The following SPATA6 variants were observed in gnomAD, a reference collection of about 807,000 sequenced individuals.
SPATA6 encodes the protein spermatogenesis associated 6, also known as spermatogenesis-associated protein 6.
A neutral mutation model predicts 65.3 loss-of-function variants in SPATA6; 56 were observed. The observed-to-expected ratio is 0.86, with a 90% CI of 0.69 to 1.07. SPATA6 has a LOEUF of 1.07. Ranked by LOEUF, SPATA6 falls within the 50% of genes least tolerant of loss-of-function variation. The pLI, the probability that SPATA6 is intolerant of heterozygous loss-of-function variation, is 0.00. For synonymous variants in SPATA6, 199 were observed against 213.2 expected (o/e 0.93, Z 0.58); for missense variants, 590 against 594.8 (o/e 0.99, Z 0.08).
At chr1:48,445,312 G>A (rs973839041) in intron 3 of SPATA6, among the ~76,000 whole-genome samples, 2 of 152,166 alleles carry the variant, frequency 1.3e-5, no homozygotes, top group African/African-American at 4.8e-5. Flanking sequence ...ATGAGGTGCT[G>A]CCAGGGCATC....
chr1:48,381,700 A>ATTTTTTT (rs1648635795), intron 9 of SPATA6, among the ~76,000 whole-genome samples: 5 of 60,564 alleles, frequency 8.3e-5, no homozygotes, highest in African/African-American at 3.7e-4. Context: ...TTTTTTTTTA[A>ATTTTTTT]TTAATTTATT....
chr1:48,319,253 A>G (rs1190513793), intron 11 of SPATA6, among the ~76,000 whole-genome samples: 1 of 152,222 alleles, frequency 6.6e-6, no homozygotes, highest in Non-Finnish European at 1.5e-5. Flanking sequence ...GAAAACATAG[A>G]AAAGTTGGAT....
At position 48,472,113 on chromosome 1, in the gene SPATA6, G is replaced by GGTGGCAGCA; in HGVS notation, c.-114_-106dup. ...GGGGAGGAGACGAGGTGGCGGCGGC[G>GGTGGCAGCA]GTGGCAGCAGTGGCCCCCAGGCCGG... On this transcript the variant is annotated 5_prime_UTR_variant, in exon 1 of 13. Transcript: ENST00000371847. 1.1e-6 allele frequency: 1 copy of GGTGGCAGCA among 941,168 alleles called. No individual in the cohort carries two copies. The highest frequency in any genetic ancestry group is 1.5e-6 in the Non-Finnish European group (1 of 666,842). 58.3% of individuals were successfully genotyped at this position (941,168 alleles called of 1,614,324 possible). A position where few individuals can be genotyped will look rare whatever the true frequency, so the allele number is the denominator to read the frequency against.
intron 11 of SPATA6, among the ~76,000 whole-genome samples, chr1:48,345,072 C>A (rs1051685933): frequency 6.6e-6 from 1 of 152,096 alleles, no homozygotes; most frequent in Non-Finnish European, 1.5e-5. Context: ...AATATACATT[C>A]TTCTCATCGC....
chr1:48,368,986 T>C lies in SPATA6; in HGVS notation c.910-9216A>G, dbSNP rs1266684924. ...GATGGGTTTTTGGTGTGGATGTCCTTTCTGTTTGTTAGTTTTCCTTCTGAC... is the reference window on the plus strand; with the variant it reads ...GATGGGTTTTTGGTGTGGATGTCCTCTCTGTTTGTTAGTTTTCCTTCTGAC... On this transcript the variant is annotated intron_variant, in intron 9 of 12. Coordinates refer to ENST00000371847, the MANE Select transcript of SPATA6 (RefSeq NM_019073.4). Among the ~76,000 whole-genome samples the C allele has an allele frequency of 2.6e-5, 4 of 152,204 alleles. No homozygotes were observed. In the East Asian group the frequency reaches 7.7e-4, roughly 29 times the overall value.
intron 3 of SPATA6, among the ~76,000 whole-genome samples, chr1:48,416,111 G>A (rs1652758862): frequency 6.6e-6 from 1 of 152,068 alleles, no homozygotes; most frequent in South Asian, 2.1e-4. Flanking sequence ...GCTGAGGTAG[G>A]AGATCACTTG....
intron 2 of SPATA6, among the ~76,000 whole-genome samples, chr1:48,452,445 G>C (rs1656657957): frequency 6.7e-6 from 1 of 150,350 alleles, no homozygotes; most frequent in Non-Finnish European, 1.5e-5. Flanking sequence ...GTGCAGTGGC[G>C]CTATCTCCTC....
At chr1:48,394,168 A>G (rs1650347000) in intron 8 of SPATA6, among the ~76,000 whole-genome samples, 1 of 152,110 alleles carries the variant, frequency 6.6e-6, no homozygotes, top group Non-Finnish European at 1.5e-5. Context: ...AATTATGCCA[A>G]AATCAAAATA....
chr1:48,405,436 C>T (rs1017760219), intron 5 of SPATA6, among the ~76,000 whole-genome samples: 4 of 152,150 alleles, frequency 2.6e-5, no homozygotes, highest in African/African-American at 9.7e-5. Flanking sequence ...TGAAATTTCT[C>T]GTGAAATTGT....
At chr1:48,434,111 G>T (rs1343107727) in intron 3 of SPATA6, among the ~76,000 whole-genome samples, 1 of 152,010 alleles carries the variant, frequency 6.6e-6, no homozygotes, top group East Asian at 1.9e-4. Flanking sequence ...CTACAAACAG[G>T]TGTCTTTAAA....
intron 11 of SPATA6, among the ~76,000 whole-genome samples, chr1:48,350,530 G>A (rs1646487712): frequency 6.6e-6 from 1 of 151,536 alleles, no homozygotes; most frequent in Non-Finnish European, 1.5e-5. Context: ...TTTTCCTCTA[G>A]AAGTTTTACA....
chr1:48,394,498 C>G (rs1650388114), intron 8 of SPATA6, among the ~76,000 whole-genome samples: 1 of 151,990 alleles, frequency 6.6e-6, no homozygotes, highest in Non-Finnish European at 1.5e-5. Flanking sequence ...TGTTGATTAT[C>G]ACATCTATCT....
intron 1 of SPATA6, among the ~76,000 whole-genome samples, chr1:48,463,092 T>TA (rs1657568936): frequency 5.3e-5 from 8 of 152,182 alleles, no homozygotes. Flanking sequence ...CAGGCCTTTG[T>TA]ACTCAGATTG....
rs189759863 is a variant in SPATA6 at position 48,366,640 on chromosome 1, T to C, written c.910-6870A>G. On this transcript the variant is annotated intron_variant, in intron 9 of 12. Transcript: ENST00000371847. ...TGTATTTCTGTGTGATCGGTGGTGATATCCCCTTTATCATTTTTTATTGCA... is the reference window on the plus strand; with the variant it reads ...TGTATTTCTGTGTGATCGGTGGTGACATCCCCTTTATCATTTTTTATTGCA... 5.3e-3 allele frequency among the ~76,000 whole-genome samples: 805 copies of C among 152,298 alleles called. 21 individuals carry two copies. The highest frequency in any genetic ancestry group is 0.05 in the South Asian group (241 of 4,820).
At position 48,298,633 on chromosome 1, in the gene SPATA6, A is replaced by C; in HGVS notation, c.*80T>G. ...TTATAATCCCATTTTTTTTAAAAAA[A>C]GGAATACAGATATTGATCACATCAA... On this transcript the variant is annotated 3_prime_UTR_variant, in exon 13 of 13. Coordinates refer to ENST00000371847, the MANE Select transcript of SPATA6 (RefSeq NM_019073.4). The C allele has an allele frequency of 7.4e-7, 1 of 1,352,970 alleles. No homozygotes were observed. Among genetic ancestry groups the C allele is most frequent in the Non-Finnish European group, 1.0e-6 (1 of 1,000,488 alleles). The allele number at this position is 1,352,970 out of a possible 1,614,324, so 83.8% of individuals were successfully genotyped here.
At chr1:48,424,647 TTTG>T (rs1364261059) in intron 3 of SPATA6, among the ~76,000 whole-genome samples, 27 of 152,198 alleles carry the variant, frequency 1.8e-4, no homozygotes, top group African/African-American at 4.8e-4. Context: ...CTTACCAGCA[TTTG>T]TTATTTCTTG....
At chr1:48,383,441 T>C (rs1398503396) in intron 9 of SPATA6, among the ~76,000 whole-genome samples, 1 of 26,000 alleles carries the variant, frequency 3.8e-5, no homozygotes, top group African/African-American at 1.1e-4. Context: ...GAGGAGCCCC[T>C]CACCTCCCGG....
intron 9 of SPATA6, among the ~76,000 whole-genome samples, chr1:48,374,295 C>CA (rs1223692372): frequency 1.4e-5 from 2 of 148,098 alleles, no homozygotes; most frequent in African/African-American, 5.0e-5. Context: ...AGTAAAACAA[C>CA]AAAAATGTAA....
At chr1:48,340,241 T>TAAAAAA (rs58721253) in intron 11 of SPATA6, among the ~76,000 whole-genome samples, 3 of 53,058 alleles carry the variant, frequency 5.7e-5, no homozygotes, top group African/African-American at 3.4e-4. Flanking sequence ...AGGCCTGCAC[T>TAAAAAA]AAAAAAAAAA....
Sources: gnomAD v4.1 joint callset for allele counts (sites outside exome capture counted in the v4.1 genomes callset) on GRCh38, gnomAD v4.1.1 for gene constraint, MANE v1.5 for transcripts, NCBI Gene and HGNC (gene_info 2026-07-23, HGNC 2026-07-21) for gene names.